The following HS3ST3A1 variants were observed in gnomAD, a reference collection of about 807,000 sequenced individuals.
The protein encoded by HS3ST3A1 is heparan sulfate-glucosamine 3-sulfotransferase 3A1.
HS3ST3A1 carries 19 observed loss-of-function variants against 25.7 expected under a neutral mutation model. That is an observed-to-expected ratio of 0.74 (90% confidence interval 0.52 to 1.08). The LOEUF (loss-of-function observed/expected upper bound fraction) is 1.08. HS3ST3A1 is among the 50% of genes least tolerant of loss of function. The pLI is 0.00. For synonymous variants in HS3ST3A1, 226 were observed against 278.6 expected, an observed-to-expected ratio of 0.81 and a Z score of 1.88; for missense variants, 459 against 594.3, an observed-to-expected ratio of 0.77 and a Z score of 2.37.
intron 1 of HS3ST3A1, among the ~76,000 whole-genome samples, chr17:13,548,091 C>G (rs895316534): frequency 6.6e-6 from 1 of 152,158 alleles, no homozygotes; most frequent in African/African-American, 2.4e-5. Flanking sequence ...TTTTCATTGT[C>G]TGATGACTTT....
chr17:13,539,085 G>C (rs773199219), intron 1 of HS3ST3A1, among the ~76,000 whole-genome samples: 4 of 152,174 alleles, frequency 2.6e-5, no homozygotes, highest in African/African-American at 4.8e-5. Flanking sequence ...GTCCTCAGCT[G>C]TGGTGGCTGA....
At chr17:13,546,692 A>G (rs77942268) in intron 1 of HS3ST3A1, among the ~76,000 whole-genome samples, 7,623 of 152,290 alleles carry the variant, frequency 0.05, 254 homozygotes, top group African/African-American at 0.097. Flanking sequence ...GTGATTATTC[A>G]TAGACTTAAT....
chr17:13,577,418 C>T (rs1251087162), intron 1 of HS3ST3A1, among the ~76,000 whole-genome samples: 2 of 152,160 alleles, frequency 1.3e-5, no homozygotes, highest in African/African-American at 4.8e-5. Flanking sequence ...GAAAGAAGAC[C>T]TTCCTTCCCC....
intron 1 of HS3ST3A1, among the ~76,000 whole-genome samples, chr17:13,538,304 T>C (rs1307993342): frequency 1.3e-5 from 2 of 152,222 alleles, no homozygotes; most frequent in Non-Finnish European, 2.9e-5. Context: ...AATGGCTCAA[T>C]TACTGACTGA....
At chr17:13,593,604 A>C (rs59596388) in intron 1 of HS3ST3A1, among the ~76,000 whole-genome samples, 1 of 152,174 alleles carries the variant, frequency 6.6e-6, no homozygotes. Context: ...AGGAAAGGAA[A>C]GAAGAAACAC....
chr17:13,593,581 G>A (rs1348127657), intron 1 of HS3ST3A1, among the ~76,000 whole-genome samples: 2 of 152,150 alleles, frequency 1.3e-5, no homozygotes, highest in African/African-American at 2.4e-5. Context: ...GCCCATCCTG[G>A]GGGCCCTTCT....
intron 1 of HS3ST3A1, among the ~76,000 whole-genome samples, chr17:13,556,225 C>T (rs548134254): frequency 4.3e-4 from 65 of 152,210 alleles, no homozygotes; most frequent in African/African-American, 1.4e-3. Context: ...AAGGCAAAGC[C>T]GGCCGGGCGC....
intron 1 of HS3ST3A1, among the ~76,000 whole-genome samples, chr17:13,528,416 T>A (rs1372318259): frequency 2.0e-5 from 3 of 152,192 alleles, no homozygotes; most frequent in Non-Finnish European, 4.4e-5. Context: ...CTCGAGCTCA[T>A]GGATTGCTCA....
At chr17:13,505,377 T>C (rs926871946) in intron 1 of HS3ST3A1, among the ~76,000 whole-genome samples, 2 of 152,184 alleles carry the variant, frequency 1.3e-5, no homozygotes, top group African/African-American at 4.8e-5. Context: ...TGAGGAGCTG[T>C]ATGAAATTAG....
At chr17:13,559,982 G>A (rs1054642418) in intron 1 of HS3ST3A1, among the ~76,000 whole-genome samples, 24 of 151,754 alleles carry the variant, frequency 1.6e-4, no homozygotes, top group African/African-American at 5.8e-4. Flanking sequence ...AAAGTTACAG[G>A]AAAGGTACAA....
chr17:13,566,339 T>C (rs905511172), intron 1 of HS3ST3A1, among the ~76,000 whole-genome samples: 24 of 152,308 alleles, frequency 1.6e-4, no homozygotes, highest in South Asian at 8.3e-4. Context: ...TATTGATAAA[T>C]GTGTGTGTAC....
intron 1 of HS3ST3A1, among the ~76,000 whole-genome samples, chr17:13,578,217 G>T (rs939675272): frequency 1.3e-5 from 2 of 151,932 alleles, no homozygotes; most frequent in Admixed American, 1.3e-4. Flanking sequence ...CAGAATCCAT[G>T]CAATCTTTTA....
Position 13,595,108 on chromosome 17 carries a change from C to T in HS3ST3A1, c.599+5423G>A, listed in dbSNP as rs761401612. 1.2e-3 allele frequency among the ~76,000 whole-genome samples: 188 copies of T among 152,026 alleles called. 4 individuals are homozygous for T. The highest frequency in any genetic ancestry group is 1.6e-4 in the Non-Finnish European group (11 of 67,816). On this transcript the variant is annotated intron_variant, in intron 1 of 1. Transcript: ENST00000284110. ...CCCCGTCTCTTTTCACATTTATTGT[C>T]ATCAGACAACTGAAACAGGCCAGTT... is the stretch of plus-strand genomic sequence containing the variant.
At chr17:13,508,159 C>T (rs1052164091) in intron 1 of HS3ST3A1, among the ~76,000 whole-genome samples, 1 of 152,098 alleles carries the variant, frequency 6.6e-6, no homozygotes, top group South Asian at 2.1e-4. Flanking sequence ...CACTGACCAG[C>T]GCCATTGATA....
At chr17:13,555,272 C>T (rs561016691) in intron 1 of HS3ST3A1, among the ~76,000 whole-genome samples, 2 of 152,190 alleles carry the variant, frequency 1.3e-5, no homozygotes, top group South Asian at 2.1e-4. Flanking sequence ...ATAAACCTAC[C>T]GTGTTTCAAG....
At chr17:13,553,404 A>G (rs9303081) in intron 1 of HS3ST3A1, among the ~76,000 whole-genome samples, 54,685 of 152,064 alleles carry the variant, frequency 0.36, 12,295 homozygotes, top group African/African-American at 0.64. Context: ...GCCAGAAGCC[A>G]TCATTGCACT....
chr17:13,496,918 C>T (rs941249082), intron 1 of HS3ST3A1, 100 bp from the exon 2 acceptor site: 2 of 1,481,734 alleles, frequency 1.3e-6, no homozygotes, highest in Non-Finnish European at 1.8e-6. Flanking sequence ...ATTCCAGCCC[C>T]CGCAACCCCC....
intron 1 of HS3ST3A1, among the ~76,000 whole-genome samples, chr17:13,570,280 C>T (rs1228040822): frequency 2.0e-5 from 3 of 152,276 alleles, no homozygotes; most frequent in South Asian, 2.1e-4. Flanking sequence ...TCAAATGACT[C>T]GTTGTTTCCT....
At chr17:13,537,634 C>A (rs1269278962) in intron 1 of HS3ST3A1, among the ~76,000 whole-genome samples, 2 of 152,204 alleles carry the variant, frequency 1.3e-5, no homozygotes, top group East Asian at 1.9e-4. Flanking sequence ...AACAAGCATA[C>A]CAGCAGTGGC....
Sources: gnomAD v4.1 joint callset for allele counts (sites outside exome capture counted in the v4.1 genomes callset) on GRCh38, gnomAD v4.1.1 for gene constraint, MANE v1.5 for transcripts, NCBI Gene and HGNC (gene_info 2026-07-23, HGNC 2026-07-21) for gene names.